Variants in PLA2G7 observed in about 807,000 individuals in gnomAD.
PLA2G7 encodes the protein phospholipase A2 group VII.
Under a neutral mutation model 49.6 loss-of-function variants are expected in PLA2G7, and 63 were observed. That is an observed-to-expected ratio of 1.27 (90% CI 1.04 to 1.57). PLA2G7 has a LOEUF of 1.57. PLA2G7 is among the 40% of genes most tolerant of loss of function. The pLI, the probability that PLA2G7 is intolerant of heterozygous loss-of-function variation, is 0.00. For synonymous variants in PLA2G7, 193 were observed against 169.9 expected (o/e 1.14, Z -1.06); for missense variants, 596 against 521.2 (o/e 1.14, Z -1.40).
In PLA2G7 at chr6:46,717,086, G is replaced by C; in HGVS notation, c.120C>G (p.Asn40Lys). ...VAHMKSSAWV[N>K]KIQVLMAAAS... ...CAGCAGCCATCAGTACTTGTATTTTGTTGACCCATGCTGAAAAACAGGTAA... is the reference window on the plus strand; with the variant it reads ...CAGCAGCCATCAGTACTTGTATTTTCTTGACCCATGCTGAAAAACAGGTAA... Residue 40 changes from asparagine to lysine, a missense_variant, in exon 3 of 12, where the codon AAC (asparagine) becomes AAG (lysine). Asn to Lys is a moderately conservative substitution (Grantham distance 94, BLOSUM62 0). Transcript: ENST00000274793. 6.2e-7 allele frequency: 1 copy of C among 1,613,484 alleles called. No individual in the cohort carries two copies. Among genetic ancestry groups the C allele is most frequent in the African/African-American group, 1.3e-5 (1 of 75,020 alleles).
chr6:46,722,650 C>T (rs1262359329), intron 2 of PLA2G7, 133 bp downstream of exon 2: 12 of 686,900 alleles, frequency 1.7e-5, no homozygotes, highest in Non-Finnish European at 2.9e-5. Context: ...TCCCCTACTC[C>T]AGGAGAATAC....
chr6:46,728,561 C>T (rs1765637908), intron 1 of PLA2G7, among the ~76,000 whole-genome samples: 1 of 152,198 alleles, frequency 6.6e-6, no homozygotes, highest in Non-Finnish European at 1.5e-5. Flanking sequence ...GTTGATTCTA[C>T]TCACAATTTT....
intron 1 of PLA2G7, among the ~76,000 whole-genome samples, chr6:46,723,999 C>G (rs1278181976): frequency 6.6e-6 from 1 of 152,178 alleles, no homozygotes; most frequent in Non-Finnish European, 1.5e-5. Context: ...CACCTTCCAT[C>G]CCCACTTTGA....
chr6:46,713,011 G>T (rs1342003747), intron 5 of PLA2G7, among the ~76,000 whole-genome samples: 2 of 152,146 alleles, frequency 1.3e-5, no homozygotes, highest in Non-Finnish European at 2.9e-5. Flanking sequence ...CACTATAATA[G>T]TATGCTACCT....
In PLA2G7 at chr6:46,705,182, G is replaced by A. The variant is rs745546158; in HGVS notation, c.1160C>T (p.Ala387Val). The stretch of plus-strand genomic sequence containing the variant: ...ATGCTTTTGTAAGAATGCTAATGAA[G>A]CTTTGTTGCTAAGATCAATAGCTAC... ...SNVAIDLSNK[A>V]SLAFLQKHLG... Residue 387 changes from alanine to valine, a missense_variant, in exon 11 of 12, where the codon GCT (alanine) becomes GTT (valine). Physicochemically the swap from Ala to Val is moderately conservative, Grantham distance 64. Transcript: ENST00000274793. 1 of 1,609,068 alleles carries A rather than the reference G, an allele frequency of 6.2e-7. No individual in the cohort carries two copies. Among genetic ancestry groups the A allele is most frequent in the Non-Finnish European group, 8.5e-7 (1 of 1,175,698 alleles).
intron 10 of PLA2G7, among the ~76,000 whole-genome samples, chr6:46,707,735 C>A (rs1333129312): frequency 1.3e-5 from 2 of 152,092 alleles, no homozygotes; most frequent in African/African-American, 4.8e-5. Context: ...TATAAATTAC[C>A]CAGTCTCAGG....
Position 46,709,381 on chromosome 6 carries a change from T to G in PLA2G7, c.815A>C (p.His272Pro). ...AATAACCGTTGCTCCACCAAAAGAA[T>G]GTCCAATTACTGCTATTTTTTCCCT... is the stretch of plus-strand genomic sequence containing the variant. ...IDREKIAVIG[H>P]SFGGATVIQT... is the part of the protein sequence containing the mutation. The change falls in exon 9 of 12, where the codon CAT (histidine) becomes CCT (proline). Residue 272 changes from histidine to proline, a missense_variant. Physicochemically the swap from His to Pro is moderately conservative, Grantham distance 77. Transcript: ENST00000274793. 1.2e-6 allele frequency: 2 copies of G among 1,607,340 alleles called. No homozygotes were observed. The highest frequency in any genetic ancestry group is 1.7e-4 in the Middle Eastern group (1 of 6,040).
At chr6:46,726,699 T>C (rs1765584582) in intron 1 of PLA2G7, among the ~76,000 whole-genome samples, 1 of 151,888 alleles carries the variant, frequency 6.6e-6, no homozygotes. Context: ...AGGAATGCAA[T>C]AGCACCACCT....
At chr6:46,716,163 C>G (rs1053451994) in intron 4 of PLA2G7, among the ~76,000 whole-genome samples, 1 of 152,218 alleles carries the variant, frequency 6.6e-6, no homozygotes, top group Non-Finnish European at 1.5e-5. Flanking sequence ...CAGAGTCAGT[C>G]TGATACTCTC....
chr6:46,719,714 C>G (rs781366671), intron 2 of PLA2G7, among the ~76,000 whole-genome samples: 7 of 152,142 alleles, frequency 4.6e-5, no homozygotes, highest in Non-Finnish European at 8.8e-5. Context: ...AGCACTTGAC[C>G]AGCCCACAGT....
chr6:46,725,836 A>T (rs1353231973), intron 1 of PLA2G7, among the ~76,000 whole-genome samples: 1 of 152,200 alleles, frequency 6.6e-6, no homozygotes, highest in African/African-American at 2.4e-5. Flanking sequence ...CAAGGGGGCC[A>T]CGGGTGGCAT....
intron 6 of PLA2G7, 131 bp downstream of exon 6, chr6:46,712,138 C>G: frequency 1.5e-6 from 1 of 672,960 alleles, no homozygotes; most frequent in Non-Finnish European, 2.7e-6. Flanking sequence ...TCCTTTTTTG[C>G]TCATGATGTT....
At chr6:46,714,053 C>T (rs1368757769) in intron 5 of PLA2G7, among the ~76,000 whole-genome samples, 1 of 152,184 alleles carries the variant, frequency 6.6e-6, no homozygotes, top group Non-Finnish European at 1.5e-5. Context: ...GTGTCATGGT[C>T]CAAAGGTTCT....
intron 1 of PLA2G7, among the ~76,000 whole-genome samples, chr6:46,733,682 T>C (rs902633341): frequency 2.6e-5 from 4 of 152,194 alleles, no homozygotes; most frequent in African/African-American, 7.2e-5. Context: ...GCAGAATTCC[T>C]CTGTGAGGGA....
intron 1 of PLA2G7, 114 bp from the exon 2 acceptor site, chr6:46,723,039 T>C: frequency 3.0e-6 from 2 of 658,482 alleles, no homozygotes; most frequent in Non-Finnish European, 5.5e-6. Flanking sequence ...ATAAAACATG[T>C]ATTTTCTGTG....
At chr6:46,723,590 C>A (rs543034852) in intron 1 of PLA2G7, among the ~76,000 whole-genome samples, 5 of 152,264 alleles carry the variant, frequency 3.3e-5, no homozygotes, top group African/African-American at 1.2e-4. Flanking sequence ...AGTCTGTATG[C>A]TAACATCTTA....
At chr6:46,726,927 C>T (rs540409455) in intron 1 of PLA2G7, among the ~76,000 whole-genome samples, 35 of 152,222 alleles carry the variant, frequency 2.3e-4, no homozygotes, top group Admixed American at 2.0e-3. Context: ...CAGGCATGAG[C>T]CACCAACATT....
Position 46,725,926 on chromosome 6 carries a change from G to A in PLA2G7, c.-34-3001C>T, listed in dbSNP as rs192385368. On this transcript the variant is annotated intron_variant, in intron 1 of 11. Coordinates refer to ENST00000274793, the MANE Select transcript of PLA2G7 (RefSeq NM_005084.4). ...TTTATTTAATGTGTATTCACAAGGAGCCTTCAGAATGAAGACCCAAAGATA... is the reference window on the plus strand; with the variant it reads ...TTTATTTAATGTGTATTCACAAGGAACCTTCAGAATGAAGACCCAAAGATA... Among the ~76,000 whole-genome samples, 5 of 152,304 alleles carry A rather than the reference G, an allele frequency of 3.3e-5. No individual in the cohort carries two copies. In the East Asian group the frequency reaches 9.7e-4, roughly 29 times the overall value.
intron 5 of PLA2G7, among the ~76,000 whole-genome samples, chr6:46,714,195 T>G (rs1765121439): frequency 6.6e-6 from 1 of 152,166 alleles, no homozygotes; most frequent in Non-Finnish European, 1.5e-5. Flanking sequence ...GTGTAAATAT[T>G]ACAATAATGA....
Sources: gnomAD v4.1 joint callset for allele counts (sites outside exome capture counted in the v4.1 genomes callset) on GRCh38, gnomAD v4.1.1 for gene constraint, MANE v1.5 for transcripts, NCBI Gene and HGNC (gene_info 2026-07-23, HGNC 2026-07-21) for gene names.